The following SDHB variants were observed in gnomAD, a reference collection of about 807,000 sequenced individuals.
SDHB encodes the protein succinate dehydrogenase complex iron sulfur subunit B.
Under a neutral mutation model 39.7 loss-of-function variants are expected in SDHB, and 21 were observed. That is an observed-to-expected ratio of 0.53 (90% CI 0.37 to 0.76). The LOEUF (loss-of-function observed/expected upper bound fraction) is 0.76, where lower values mean the gene tolerates loss of function less well. Among genes scored for constraint, SDHB ranks in the 30% least tolerant of loss-of-function variants. The pLI is 0.00. For synonymous variants in SDHB, 118 were observed against 117.0 expected, an observed-to-expected ratio of 1.01 and a Z score of -0.06; for missense variants, 343 against 350.9, an observed-to-expected ratio of 0.98 and a Z score of 0.18.
chr1:17,052,670 T>C (rs2078155449), intron 1 of SDHB, among the ~76,000 whole-genome samples: 1 of 152,220 alleles, frequency 6.6e-6, no homozygotes, highest in South Asian at 2.1e-4. Context: ...GGCTGTCTTC[T>C]TCCTCTATCT....
At chr1:17,049,647 CTTTTTTTTTTT>C (rs397835910) in intron 1 of SDHB, among the ~76,000 whole-genome samples, 37 of 52,068 alleles carry the variant, frequency 7.1e-4, no homozygotes, top group South Asian at 4.7e-3. Flanking sequence ...TCCCCTAGTT[CTTTTTTTTTTT>C]TTTTTTTTTT....
intron 1 of SDHB, among the ~76,000 whole-genome samples, chr1:17,050,140 G>A (rs994992003): frequency 3.3e-5 from 5 of 152,128 alleles, no homozygotes; most frequent in African/African-American, 9.7e-5. Context: ...AATTGATCAC[G>A]TATTATCTTT....
intron 3 of SDHB, among the ~76,000 whole-genome samples, chr1:17,029,348 G>A (rs2078010691): frequency 6.6e-6 from 1 of 151,650 alleles, no homozygotes; most frequent in South Asian, 2.1e-4. Context: ...GGCTTGAACT[G>A]CTGGGCTCAA....
intron 2 of SDHB, among the ~76,000 whole-genome samples, chr1:17,042,474 T>G (rs2078086277): frequency 1.3e-5 from 2 of 152,132 alleles, no homozygotes; most frequent in South Asian, 4.1e-4. Context: ...TTTAAATTTT[T>G]TATCACTAAA....
intron 1 of SDHB, among the ~76,000 whole-genome samples, chr1:17,046,903 G>A (rs368237084): frequency 9.8e-4 from 146 of 149,544 alleles, no homozygotes; most frequent in African/African-American, 3.6e-3. Context: ...TTTTAGTAGA[G>A]ATGTGGTTTG....
chr1:17,028,934 C>A (rs1345538206), intron 3 of SDHB, among the ~76,000 whole-genome samples, 198 bp from the exon 4 acceptor site: 1 of 152,002 alleles, frequency 6.6e-6, no homozygotes, highest in African/African-American at 2.4e-5. Flanking sequence ...GGCTTGAGTT[C>A]CAAAAACTAC....
rs1022580 is a variant in SDHB, at chr1:17,033,181, C to A, written c.201-36G>T. ...AAAATATCCAGTGGTATTTATGTAACGTTCAACCTCCCTACACTTTATCAT... is the reference window on the plus strand; with the variant it reads ...AAAATATCCAGTGGTATTTATGTAAAGTTCAACCTCCCTACACTTTATCAT... On this transcript the variant is annotated intron_variant, in intron 2 of 7. Coordinates refer to ENST00000375499, the MANE Select transcript of SDHB (RefSeq NM_003000.3). 1,461,620 of 1,503,420 alleles carry A rather than the reference C, an allele frequency of 0.97. 710,685 individuals carry two copies. Among genetic ancestry groups the A allele is most frequent in the East Asian group, 0.99 (43,840 of 44,360 alleles). The allele number at this position is 1,503,420 out of a possible 1,614,324, so 93.1% of individuals were successfully genotyped here.
At chr1:17,029,747 T>A (rs1198129289) in intron 3 of SDHB, among the ~76,000 whole-genome samples, 2 of 152,086 alleles carry the variant, frequency 1.3e-5, no homozygotes, top group Non-Finnish European at 2.9e-5. Context: ...TTTTCTTGGC[T>A]GAGTCTTGCT....
At chr1:17,019,644 C>G (rs989743033) in intron 7 of SDHB, among the ~76,000 whole-genome samples, 4 of 151,926 alleles carry the variant, frequency 2.6e-5, no homozygotes, top group African/African-American at 9.7e-5. Context: ...GAAGGTTCCC[C>G]TCATTTTAGA....
At chr1:17,048,337 C>G (rs1382994833) in intron 1 of SDHB, among the ~76,000 whole-genome samples, 2 of 152,210 alleles carry the variant, frequency 1.3e-5, no homozygotes, top group African/African-American at 4.8e-5. Context: ...CTTGTTATAG[C>G]TGAGTAGCAC....
At chr1:17,031,268 T>C (rs2101526755) in intron 3 of SDHB, among the ~76,000 whole-genome samples, 1 of 152,158 alleles carries the variant, frequency 6.6e-6, no homozygotes, top group South Asian at 2.1e-4. Flanking sequence ...CAGTTTGCTT[T>C]TACAAGAAAT....
intron 1 of SDHB, 126 bp from the exon 2 acceptor site, chr1:17,045,014 G>A: frequency 3.6e-6 from 3 of 834,878 alleles, no homozygotes; most frequent in South Asian, 3.0e-5. Context: ...AATCTTCTTA[G>A]AAAAGGCAGG....
chr1:17,020,279 C>T lies in SDHB; in HGVS notation c.766-1321G>A, dbSNP rs190055774. The stretch of plus-strand genomic sequence containing the variant: ...GAAGAAAGAGCACTGGATGGGGAGG[C>T]AGACGGCCTAACTCTAGTCCTACCT... On this transcript the variant is annotated intron_variant, in intron 7 of 7. Coordinates refer to ENST00000375499, the MANE Select transcript of SDHB (RefSeq NM_003000.3). 8.1e-4 allele frequency among the ~76,000 whole-genome samples: 123 copies of T among 152,342 alleles called. 1 individual carries two copies. The highest frequency in any genetic ancestry group is 2.9e-3 in the African/African-American group (121 of 41,580).
At chr1:17,029,925 G>A (rs763087115) in intron 3 of SDHB, among the ~76,000 whole-genome samples, 1 of 152,316 alleles carries the variant, frequency 6.6e-6, no homozygotes, top group Non-Finnish European at 1.5e-5. Flanking sequence ...TTGTAGGTTG[G>A]GTGAAGTGGC....
chr1:17,026,311 C>T (rs545696833), intron 5 of SDHB, among the ~76,000 whole-genome samples: 1 of 152,314 alleles, frequency 6.6e-6, no homozygotes, highest in East Asian at 1.9e-4. Context: ...TGTGCTGACC[C>T]TCACTATCTT....
chr1:17,051,344 C>T (rs2078146175), intron 1 of SDHB, among the ~76,000 whole-genome samples: 1 of 152,170 alleles, frequency 6.6e-6, no homozygotes, highest in Non-Finnish European at 1.5e-5. Context: ...AGGTAAGCAA[C>T]AACTGAACTG....
In SDHB at chr1:17,053,860, G is replaced by C. The variant is rs1268549434; in HGVS notation, c.72+88C>G. The C allele has an allele frequency of 3.1e-6, 3 of 976,944 alleles. No homozygotes were observed. In the African/African-American group the frequency reaches 4.8e-5, roughly 16 times the overall value. 60.5% of individuals were successfully genotyped at this position (976,944 alleles called of 1,614,324 possible). On this transcript the variant is annotated intron_variant, in intron 1 of 7. Coordinates refer to ENST00000375499, the MANE Select transcript of SDHB (RefSeq NM_003000.3). ...CCATCTCCCTGAGGCCTTGCCCTATGCTTCCTCAGTCTCTCCGCAGCCCCA... is the reference window on the plus strand; with the variant it reads ...CCATCTCCCTGAGGCCTTGCCCTATCCTTCCTCAGTCTCTCCGCAGCCCCA...
chr1:17,030,483 C>CA (rs1181416289), intron 3 of SDHB, among the ~76,000 whole-genome samples: 1 of 152,100 alleles, frequency 6.6e-6, no homozygotes, highest in African/African-American at 2.4e-5. Flanking sequence ...GCAAACTAAA[C>CA]AAAAAACGTG....
rs1466198308 is a variant in SDHB at position 17,030,751 on chromosome 1, G to A, written c.287-2015C>T. On this transcript the variant is annotated intron_variant, in intron 3 of 7. Transcript: ENST00000375499. ...GGCTGGAGTGCAGTGGCACGATCTC[G>A]GCTTACTGCAACCTCTGCCTCCCGG... Among the ~76,000 whole-genome samples, 7 of 151,598 alleles carry A rather than the reference G, an allele frequency of 4.6e-5. No individual in the cohort carries two copies. The East Asian group carries it at 5.8e-4, about 13-fold the overall frequency.
Sources: allele counts gnomAD v4.1 joint callset (sites outside exome capture counted in the v4.1 genomes callset), GRCh38; gene constraint gnomAD v4.1.1; transcripts MANE v1.5; gene names NCBI Gene and HGNC (gene_info 2026-07-23, HGNC 2026-07-21).